The following JAZF1 variants were observed in gnomAD, a reference collection of about 807,000 sequenced individuals.
JAZF1 encodes JAZF zinc finger 1, also known as juxtaposed with another zinc finger protein 1.
In JAZF1, 8 loss-of-function variants were observed where a neutral mutation model predicts 26.4. The ratio of observed to expected loss-of-function variants is 0.30; its 90% confidence interval spans 0.18 to 0.55. The LOEUF is 0.55. Ranked by LOEUF, JAZF1 falls within the 20% of genes least tolerant of loss-of-function variation. JAZF1 has a pLI of 0.94. For missense variants in JAZF1, 199 were observed against 322.0 expected, an observed-to-expected ratio of 0.62 and a Z score of 2.92; for synonymous variants, 126 against 122.3, an observed-to-expected ratio of 1.03 and a Z score of -0.20.
chr7:28,134,750 G>A lies in JAZF1; in HGVS notation c.115+45713C>T, dbSNP rs376570254. ...TTTACACCCAAATGATATAAGAAGA[G>A]AGAATTGAAAAATATGTGTATATAG... On this transcript the variant is annotated intron_variant, in intron 1 of 4. Transcript: ENST00000283928. Among the ~76,000 whole-genome samples, 18 of 152,122 alleles carry A rather than the reference G, an allele frequency of 1.2e-4. No individual in the cohort carries two copies. The South Asian group carries it at 3.7e-3, about 32-fold the overall frequency.
Position 27,832,952 on chromosome 7 carries a change from C to A in JAZF1, c.580G>T (p.Ala194Ser). The change falls in exon 5 of 5, where the codon GCT becomes TCT. Residue 194 changes from alanine (A) to serine (S), a missense_variant. Transcript: ENST00000283928. ...ATCTGTGTTCTGTGACCATTCTTAGCGTGATACTTTATGCCATTCACATTC... is the reference window on the plus strand; with the variant it reads ...ATCTGTGTTCTGTGACCATTCTTAGAGTGATACTTTATGCCATTCACATTC... ...YKNVNGIKYH[A>S]KNGHRTQIRV... The A allele has an allele frequency of 6.2e-7, 1 of 1,601,016 alleles. No individual in the cohort carries two copies. The highest frequency in any genetic ancestry group is 8.5e-7 in the Non-Finnish European group (1 of 1,174,520).
intron 2 of JAZF1, among the ~76,000 whole-genome samples, chr7:27,945,712 T>C (rs1320524451): frequency 1.3e-5 from 2 of 152,364 alleles, no homozygotes; most frequent in African/African-American, 4.8e-5. Flanking sequence ...GGGATTTGTA[T>C]GCACTTTAAG....
At chr7:27,833,109 A>G in intron 4 of JAZF1, 133 bp from the exon 5 acceptor site, 1 of 599,244 alleles carries the variant, frequency 1.7e-6, no homozygotes, top group South Asian at 2.6e-5. Context: ...CAAGGACTCC[A>G]GTTGGGACCC....
At chr7:27,845,907 C>A (rs947760955) in intron 3 of JAZF1, among the ~76,000 whole-genome samples, 48 of 152,006 alleles carry the variant, frequency 3.2e-4, no homozygotes, top group Admixed American at 3.0e-3. Flanking sequence ...CTCTACCCCA[C>A]CCTTTCCAGC....
At chr7:27,915,393 A>G (rs1294385616) in intron 2 of JAZF1, among the ~76,000 whole-genome samples, 1 of 152,230 alleles carries the variant, frequency 6.6e-6, no homozygotes, top group Non-Finnish European at 1.5e-5. Context: ...GTCATTAAAT[A>G]GCAAACTAGT....
chr7:27,934,573 G>A (rs1784735419), intron 2 of JAZF1, among the ~76,000 whole-genome samples: 1 of 152,078 alleles, frequency 6.6e-6, no homozygotes, highest in South Asian at 2.1e-4. Context: ...ACACCTTGGC[G>A]GTAGCCTCTG....
In JAZF1 at chr7:28,126,800, G is replaced by C. The variant is rs190289286; in HGVS notation, c.115+53663C>G. Among the ~76,000 whole-genome samples, 93 of 152,256 alleles carry C rather than the reference G, an allele frequency of 6.1e-4. 3 individuals are homozygous for C. The highest frequency in any genetic ancestry group is 5.6e-3 in the Admixed American group (86 of 15,294). On this transcript the variant is annotated intron_variant, in intron 1 of 4. Coordinates refer to ENST00000283928, the MANE Select transcript of JAZF1 (RefSeq NM_175061.4). ...GGAGAGGGAAAGGAAGGGGAGGGGA[G>C]GAGTGAAAACAAGAAGGGAGGAGAG...
intron 2 of JAZF1, among the ~76,000 whole-genome samples, chr7:27,960,354 G>A (rs1785167194): frequency 6.6e-6 from 1 of 152,214 alleles, no homozygotes. Context: ...TCTTGCCAAG[G>A]GCACTACGTT....
At chr7:27,954,570 A>C (rs1741400023) in intron 2 of JAZF1, among the ~76,000 whole-genome samples, 1 of 152,198 alleles carries the variant, frequency 6.6e-6, no homozygotes, top group Non-Finnish European at 1.5e-5. Context: ...TATAAAGGTC[A>C]AATTCAGCAA....
chr7:27,874,116 G>A (rs1197387313), intron 3 of JAZF1, among the ~76,000 whole-genome samples: 3 of 152,328 alleles, frequency 2.0e-5, no homozygotes, highest in Non-Finnish European at 2.9e-5. Context: ...CCAGCTGGGC[G>A]CAGGGCCTTG....
intron 1 of JAZF1, among the ~76,000 whole-genome samples, chr7:28,145,995 A>G (rs1363063008): frequency 6.6e-6 from 1 of 152,166 alleles, no homozygotes; most frequent in Non-Finnish European, 1.5e-5. Flanking sequence ...CCATTTCTCC[A>G]TGTCAATTTT....
chr7:27,864,402 C>T (rs546267866), intron 3 of JAZF1, among the ~76,000 whole-genome samples: 142 of 152,280 alleles, frequency 9.3e-4, no homozygotes, highest in Non-Finnish European at 1.7e-3. Context: ...CTCATTAACC[C>T]TAGAGTGCCA....
intron 1 of JAZF1, among the ~76,000 whole-genome samples, chr7:28,030,692 C>T (rs4722752): frequency 0.69 from 105,355 of 152,060 alleles, 38,993 homozygotes; most frequent in Non-Finnish European, 0.85. Flanking sequence ...AAGTACAGGT[C>T]GTCAGTTACC....
intron 3 of JAZF1, among the ~76,000 whole-genome samples, chr7:27,849,744 T>TACACACAGACACACACACACACAC (rs1783104370): frequency 1.9e-5 from 1 of 53,578 alleles, no homozygotes; most frequent in South Asian, 5.9e-4. Context: ...TTGGAACCCT[T>TACACACAGACACACACACACACAC]ACACACAGAC....
chr7:28,180,437 C>A (rs769485898), intron 1 of JAZF1, 26 bp downstream of exon 1: 3 of 1,584,748 alleles, frequency 1.9e-6, no homozygotes, highest in East Asian at 2.3e-5. Flanking sequence ...GCGCCTGGCA[C>A]CCCCGCCCAC....
chr7:27,932,038 TAAAC>T (rs1035089118), intron 2 of JAZF1, among the ~76,000 whole-genome samples: 6 of 152,242 alleles, frequency 3.9e-5, no homozygotes, highest in African/African-American at 1.4e-4. Flanking sequence ...ACTCGTTTGA[TAAAC>T]TAATAGCGTG....
chr7:28,008,055 T>C (rs1782734681), intron 1 of JAZF1, among the ~76,000 whole-genome samples: 1 of 152,194 alleles, frequency 6.6e-6, no homozygotes, highest in Admixed American at 6.5e-5. Flanking sequence ...TTTGGGTGAC[T>C]GATCTTAAAA....
intron 1 of JAZF1, among the ~76,000 whole-genome samples, chr7:28,132,802 C>T (rs1331766910): frequency 6.6e-6 from 1 of 152,200 alleles, no homozygotes. Flanking sequence ...TATAAATATT[C>T]AATTTACAAA....
chr7:28,046,667 A>G (rs1783501932), intron 1 of JAZF1, among the ~76,000 whole-genome samples: 1 of 152,210 alleles, frequency 6.6e-6, no homozygotes, highest in Admixed American at 6.5e-5. Context: ...GACATTGCCA[A>G]TCATTTTCAT....
Sources: gnomAD v4.1 joint callset for allele counts (sites outside exome capture counted in the v4.1 genomes callset) on GRCh38, gnomAD v4.1.1 for gene constraint, MANE v1.5 for transcripts, NCBI Gene and HGNC (gene_info 2026-07-23, HGNC 2026-07-21) for gene names.